The following XRCC4 variants were observed in gnomAD, a reference collection of about 807,000 sequenced individuals.
The protein encoded by XRCC4 is DNA repair protein XRCC4.
A neutral mutation model predicts 39.1 loss-of-function variants in XRCC4; 28 were observed. That is an observed-to-expected ratio of 0.72 (90% CI 0.53 to 0.98). The LOEUF (loss-of-function observed/expected upper bound fraction) is 0.98, where lower values mean the gene tolerates loss of function less well. Among genes scored for constraint, XRCC4 ranks in the 50% least tolerant of loss-of-function variants. XRCC4 has a pLI of 0.00. For missense variants in XRCC4, 350 were observed against 376.4 expected (o/e 0.93, Z 0.58); for synonymous variants, 123 against 126.4 (o/e 0.97, Z 0.18).
chr5:83,134,900 C>G (rs557105076), intron 3 of XRCC4, among the ~76,000 whole-genome samples: 7 of 152,042 alleles, frequency 4.6e-5, no homozygotes, highest in Admixed American at 1.3e-4. Context: ...TGACACTGAC[C>G]GCGAAGGTCT....
intron 7 of XRCC4, among the ~76,000 whole-genome samples, chr5:83,338,606 T>C (rs1756662217): frequency 6.6e-6 from 1 of 152,202 alleles, no homozygotes; most frequent in South Asian, 2.1e-4. Context: ...TGTATTTCTA[T>C]TAAGCCATTG....
chr5:83,229,659 CT>C (rs61356475), intron 6 of XRCC4, among the ~76,000 whole-genome samples: 1,929 of 103,672 alleles, frequency 0.019, 3 homozygotes, highest in South Asian at 0.039. Context: ...AATGTTTAAA[CT>C]TTTTTTTTTT....
chr5:83,306,313 C>T (rs975021293), intron 7 of XRCC4, among the ~76,000 whole-genome samples: 1 of 152,152 alleles, frequency 6.6e-6, no homozygotes, highest in Non-Finnish European at 1.5e-5. Flanking sequence ...TTTGCCATCA[C>T]ATTAAAATTT....
chr5:83,247,236 G>A (rs145578257), intron 6 of XRCC4, among the ~76,000 whole-genome samples: 1 of 152,258 alleles, frequency 6.6e-6, no homozygotes, highest in African/African-American at 2.4e-5. Context: ...CACTATTTAG[G>A]TAGCCAACCA....
intron 1 of XRCC4, among the ~76,000 whole-genome samples, chr5:83,086,722 A>G (rs1287199328): frequency 2.6e-5 from 4 of 152,070 alleles, no homozygotes; most frequent in African/African-American, 7.2e-5. Flanking sequence ...ACAAACCTTC[A>G]GTTGTTCAGC....
chr5:83,150,977 T>C (rs1748676957), intron 3 of XRCC4, among the ~76,000 whole-genome samples: 1 of 152,102 alleles, frequency 6.6e-6, no homozygotes, highest in Admixed American at 6.5e-5. Flanking sequence ...TCTGGTATGA[T>C]TCCTTTGCTA....
chr5:83,244,742 T>C (rs1186960246), intron 6 of XRCC4, among the ~76,000 whole-genome samples: 3 of 152,170 alleles, frequency 2.0e-5, no homozygotes, highest in Non-Finnish European at 2.9e-5. Flanking sequence ...GTCTGGAAAG[T>C]ACAGCAGGTA....
chr5:83,212,207 A>G lies in XRCC4; in HGVS notation c.745+7286A>G, dbSNP rs190055884. On this transcript the variant is annotated intron_variant, in intron 6 of 7. Transcript: ENST00000396027. ...AAACATGTTTAAAGCCCTAAAGGAG[A>G]GTACGATATAAATGTATCAACAAGT... is the stretch of plus-strand genomic sequence containing the variant. Among the ~76,000 whole-genome samples, 644 of 152,316 alleles carry G rather than the reference A, an allele frequency of 4.2e-3. 6 individuals carry two copies. Among genetic ancestry groups the G allele is most frequent in the African/African-American group, 0.015 (616 of 41,582 alleles).
At chr5:83,159,657 G>T (rs928653535) in intron 3 of XRCC4, among the ~76,000 whole-genome samples, 1 of 152,008 alleles carries the variant, frequency 6.6e-6, no homozygotes, top group African/African-American at 2.4e-5. Context: ...TGAAAATTTG[G>T]GACTGGGGTA....
the XRCC4 span, among the ~76,000 whole-genome samples, chr5:83,372,122 C>T: frequency 2.0e-5 from 3 of 152,008 alleles, no homozygotes. Context: ...ATTTAAGTCA[C>T]AAAATTGTGA....
At chr5:83,133,529 G>T (rs1747715387) in intron 3 of XRCC4, among the ~76,000 whole-genome samples, 1 of 152,132 alleles carries the variant, frequency 6.6e-6, no homozygotes, top group Admixed American at 6.5e-5. Flanking sequence ...AGCTGCGTTG[G>T]GCTCCACCCA....
intron 6 of XRCC4, among the ~76,000 whole-genome samples, chr5:83,231,177 A>G (rs995964124): frequency 6.6e-6 from 1 of 151,970 alleles, no homozygotes. Flanking sequence ...TCTTTTTCCT[A>G]TATGTCAGGC....
At chr5:83,267,706 A>G (rs1036864966) in intron 7 of XRCC4, among the ~76,000 whole-genome samples, 1 of 152,136 alleles carries the variant, frequency 6.6e-6, no homozygotes, top group East Asian at 1.9e-4. Context: ...CGTGTGAGAA[A>G]AATAAATGTC....
At chr5:83,215,173 A>G (rs1751809961) in intron 6 of XRCC4, among the ~76,000 whole-genome samples, 1 of 151,784 alleles carries the variant, frequency 6.6e-6, no homozygotes, top group African/African-American at 2.4e-5. Flanking sequence ...CCATCTCTAC[A>G]AAAAATACAA....
intron 2 of XRCC4, among the ~76,000 whole-genome samples, chr5:83,108,294 G>T (rs572250040): frequency 2.6e-4 from 39 of 152,012 alleles, no homozygotes; most frequent in African/African-American, 9.4e-4. Context: ...GGTTTTTTAG[G>T]ATTGAAGCCC....
chr5:83,275,873 T>C (rs990579362), intron 7 of XRCC4, among the ~76,000 whole-genome samples: 1 of 152,200 alleles, frequency 6.6e-6, no homozygotes, highest in Admixed American at 6.5e-5. Flanking sequence ...CATGATTCTT[T>C]AATGGATTGT....
At chr5:83,133,375 C>G (rs770789573) in intron 3 of XRCC4, among the ~76,000 whole-genome samples, 51 of 152,176 alleles carry the variant, frequency 3.4e-4, no homozygotes, top group Non-Finnish European at 5.9e-4. Flanking sequence ...ATTCTCAGAT[C>G]TCCAAGTCTG....
At chr5:83,115,518 A>G (rs1448262040) in intron 3 of XRCC4, among the ~76,000 whole-genome samples, 3 of 152,242 alleles carry the variant, frequency 2.0e-5, no homozygotes, top group Admixed American at 6.5e-5. Context: ...AGTACTTGCC[A>G]TGACTGGCAG....
At chr5:83,275,820 A>G (rs1043824034) in intron 7 of XRCC4, among the ~76,000 whole-genome samples, 2 of 151,998 alleles carry the variant, frequency 1.3e-5, no homozygotes, top group African/African-American at 2.4e-5. Context: ...AGCAAATGCA[A>G]TGAAAGTAAA....
Sources: gnomAD v4.1 joint callset for allele counts (sites outside exome capture counted in the v4.1 genomes callset) on GRCh38, gnomAD v4.1.1 for gene constraint, MANE v1.5 for transcripts, NCBI Gene and HGNC (gene_info 2026-07-23, HGNC 2026-07-21) for gene names.